The following WDR72 variants were observed in gnomAD, a reference collection of about 807,000 sequenced individuals.
The protein encoded by WDR72 is WD repeat domain 72, also known as WD repeat-containing protein 72.
A neutral mutation model predicts 124.2 loss-of-function variants in WDR72; 120 were observed. The observed-to-expected ratio is 0.97, with a 90% confidence interval of 0.83 to 1.12. WDR72 has a LOEUF of 1.12. WDR72 is among the 50% of genes most tolerant of loss of function. The pLI is 0.00. For missense variants in WDR72, 1,387 were observed against 1,278.8 expected (o/e 1.08, Z -1.29); for synonymous variants, 452 against 441.7 (o/e 1.02, Z -0.29).
intron 18 of WDR72, among the ~76,000 whole-genome samples, chr15:53,567,598 G>T (rs1269865050): frequency 3.9e-5 from 6 of 151,910 alleles, no homozygotes; most frequent in Non-Finnish European, 7.4e-5. Context: ...ATAAATAAAA[G>T]ACAATATCTT....
intron 14 of WDR72, among the ~76,000 whole-genome samples, chr15:53,660,837 T>C (rs1202143071): frequency 2.0e-5 from 3 of 152,138 alleles, no homozygotes; most frequent in Admixed American, 6.6e-5. Flanking sequence ...TGATATAAGC[T>C]CTTTTGGATT....
At chr15:53,520,352 C>A (rs1378993546) in intron 19 of WDR72, among the ~76,000 whole-genome samples, 2 of 151,980 alleles carry the variant, frequency 1.3e-5, no homozygotes, top group African/African-American at 4.8e-5. Flanking sequence ...AGTTCAATAT[C>A]CATTAAAGTT....
chr15:53,534,086 A>C (rs1488659353), intron 18 of WDR72, among the ~76,000 whole-genome samples: 1 of 152,174 alleles, frequency 6.6e-6, no homozygotes, highest in Non-Finnish European at 1.5e-5. Context: ...TGAAATCAGA[A>C]GACTGAGCTA....
At chr15:53,756,910 T>G (rs1272856396) in intron 1 of WDR72, 1 of 152,262 alleles carries the variant, frequency 6.6e-6, no homozygotes, top group East Asian at 1.9e-4. Context: ...GTGGTCAGCA[T>G]GTGAGGACAG....
At position 53,587,418 on chromosome 15, in the gene WDR72, A is replaced by G. The variant is rs150652941; in HGVS notation, c.3148+9661T>C. ...ACACACAGATATATGCATCAATAGC[A>G]GTGGTCTTATGTATACCACAGCATA... On this transcript the variant is annotated intron_variant, in intron 18 of 19. Transcript: ENST00000360509. Among the ~76,000 whole-genome samples the G allele has an allele frequency of 9.3e-4, 142 of 152,114 alleles. 2 individuals carry two copies. Among genetic ancestry groups the G allele is most frequent in the African/African-American group, 3.3e-3 (136 of 41,550 alleles).
At chr15:53,520,871 T>G (rs567820776) in intron 19 of WDR72, among the ~76,000 whole-genome samples, 126 of 152,168 alleles carry the variant, frequency 8.3e-4, no homozygotes, top group African/African-American at 3.0e-3. Flanking sequence ...TTTTAAGAAT[T>G]TTGCCCATCG....
chr15:53,650,911 T>TTTG, intron 14 of WDR72, among the ~76,000 whole-genome samples: 1 of 150,834 alleles, frequency 6.6e-6, no homozygotes, highest in Non-Finnish European at 1.5e-5. Context: ...TTTTTTTTTT[T>TTTG]TTTTTACATA....
At position 53,711,385 on chromosome 15, in the gene WDR72, G is replaced by C. The variant is rs1230984968; in HGVS notation, c.808C>G (p.Leu270Val). ...CTGTGACCATCTTCTGTCCAGATGAGGATTCTGTGAGCAGCAATCACTTCT... is the reference window on the plus strand; with the variant it reads ...CTGTGACCATCTTCTGTCCAGATGACGATTCTGTGAGCAGCAATCACTTCT... Reference protein sequence around the residue: ...GGEVIAAHRILIWTEDGHSYI... With the variant: ...GGEVIAAHRIVIWTEDGHSYI... Residue 270 changes from leucine to valine, a missense_variant, in exon 8 of 20, where the codon CTC (leucine) becomes GTC (valine). Physicochemically the swap from Leu to Val is conservative, Grantham distance 32. Transcript: ENST00000360509. 6.2e-7 allele frequency: 1 copy of C among 1,614,086 alleles called. No homozygotes were observed.
intron 13 of WDR72, among the ~76,000 whole-genome samples, chr15:53,686,852 A>C (rs1218294464): frequency 3.3e-5 from 5 of 151,750 alleles, no homozygotes; most frequent in Admixed American, 3.3e-4. Flanking sequence ...AGAAATTATA[A>C]CAAACTGTCT....
At chr15:53,630,840 T>C (rs1338365275) in intron 14 of WDR72, among the ~76,000 whole-genome samples, 1 of 152,188 alleles carries the variant, frequency 6.6e-6, no homozygotes, top group Non-Finnish European at 1.5e-5. Flanking sequence ...TTTAACATTG[T>C]ACTAGACGTC....
At chr15:53,734,844 G>A (rs2018305323) in intron 1 of WDR72, among the ~76,000 whole-genome samples, 1 of 151,026 alleles carries the variant, frequency 6.6e-6, no homozygotes, top group Non-Finnish European at 1.5e-5. Flanking sequence ...TATAATTCCG[G>A]AATGAATTTC....
intron 1 of WDR72, among the ~76,000 whole-genome samples, chr15:53,737,182 G>T (rs2018381334): frequency 6.6e-6 from 1 of 152,064 alleles, no homozygotes; most frequent in African/African-American, 2.4e-5. Flanking sequence ...TTCCAGGCCT[G>T]GAGCAGGGAA....
In WDR72 at chr15:53,706,382, A is replaced by G. The variant is rs1391746372; in HGVS notation, c.955-308T>C. On this transcript the variant is annotated intron_variant, in intron 9 of 19. Coordinates refer to ENST00000360509, the MANE Select transcript of WDR72 (RefSeq NM_182758.4). ...TATATATATATATATATATATATAT[A>G]TATATATATATATGGCTATGTGTAC... Among the ~76,000 whole-genome samples, 583 of 132,990 alleles carry G rather than the reference A, an allele frequency of 4.4e-3. 32 individuals carry two copies. The highest frequency in any genetic ancestry group is 6.7e-3 in the Non-Finnish European group (416 of 62,120). The allele number at this position is 132,990 out of a possible 152,430, so 87.2% of individuals were successfully genotyped here.
At chr15:53,656,630 C>G (rs1595824251) in intron 14 of WDR72, among the ~76,000 whole-genome samples, 3 of 152,186 alleles carry the variant, frequency 2.0e-5, no homozygotes, top group African/African-American at 7.2e-5. Flanking sequence ...TACCAGCTTT[C>G]AACAAGAAAG....
chr15:53,681,808 G>A (rs1353170846), intron 13 of WDR72, among the ~76,000 whole-genome samples: 1 of 151,876 alleles, frequency 6.6e-6, no homozygotes, highest in African/African-American at 2.4e-5. Flanking sequence ...CCAAAAAAAG[G>A]TGGAGTTGAA....
chr15:53,570,432 T>C (rs1189387822), intron 18 of WDR72, among the ~76,000 whole-genome samples: 2 of 151,924 alleles, frequency 1.3e-5, no homozygotes, highest in Non-Finnish European at 2.9e-5. Context: ...GCAAAGGACA[T>C]GAACAGACAC....
intron 14 of WDR72, among the ~76,000 whole-genome samples, chr15:53,627,665 C>T (rs1035815261): frequency 2.6e-5 from 4 of 151,984 alleles, no homozygotes; most frequent in African/African-American, 9.7e-5. Context: ...TTTTCTAGAA[C>T]AAAACTCCTT....
intron 12 of WDR72, among the ~76,000 whole-genome samples, chr15:53,700,683 C>A (rs562956471): frequency 2.4e-4 from 37 of 152,270 alleles, no homozygotes; most frequent in African/African-American, 8.2e-4. Flanking sequence ...TCATCATTAA[C>A]CTCTCTGGAG....
At chr15:53,567,310 T>A (rs530215724) in intron 18 of WDR72, among the ~76,000 whole-genome samples, 34 of 152,100 alleles carry the variant, frequency 2.2e-4, no homozygotes, top group Non-Finnish European at 4.3e-4. Flanking sequence ...GACTGTGTAA[T>A]ATGTAGTTCA....
Sources: gnomAD v4.1 joint callset for allele counts (sites outside exome capture counted in the v4.1 genomes callset) on GRCh38, gnomAD v4.1.1 for gene constraint, MANE v1.5 for transcripts, NCBI Gene and HGNC (gene_info 2026-07-23, HGNC 2026-07-21) for gene names.